The following ABI3BP variants were observed in gnomAD, a reference collection of about 807,000 sequenced individuals.
ABI3BP encodes ABI family member 3 binding protein.
In ABI3BP, 216 loss-of-function variants were observed where a neutral mutation model predicts 268.6. That is an observed-to-expected ratio of 0.80 (90% CI 0.72 to 0.90). The LOEUF (loss-of-function observed/expected upper bound fraction) is 0.90, where lower values mean the gene tolerates loss of function less well. Ranked by LOEUF, ABI3BP falls within the 40% of genes least tolerant of loss-of-function variation. The pLI, the probability that ABI3BP is intolerant of heterozygous loss-of-function variation, is 0.00. For missense variants in ABI3BP, 2,090 were observed against 2,182.4 expected, an observed-to-expected ratio of 0.96 and a Z score of 0.84; for synonymous variants, 730 against 730.0, an observed-to-expected ratio of 1.00 and a Z score of 0.00.
At chr3:100,755,225 A>T (rs1365898983) in intron 63 of ABI3BP, among the ~76,000 whole-genome samples, 1 of 152,168 alleles carries the variant, frequency 6.6e-6, no homozygotes, top group Non-Finnish European at 1.5e-5. Context: ...TATTGAAGCA[A>T]TTTTTGAGGA....
At chr3:100,885,422 ACT>A in intron 6 of ABI3BP, 112 bp downstream of exon 6, 1 of 521,114 alleles carries the variant, frequency 1.9e-6, no homozygotes, top group South Asian at 5.7e-5. Flanking sequence ...TACTTTCTCC[ACT>A]GTTTCATAGC....
chr3:100,886,268 T>A lies in ABI3BP; in HGVS notation c.517A>T (p.Ile173Phe). The stretch of plus-strand genomic sequence containing the variant: ...ACAATTGTTTCAGTGGCTGGACAGA[T>A]TTGAAAAATCCACTTCTTTTCTTTA... ...KDKEKKWIFQ[I>F]CPATETIVEN... The change falls in exon 5 of 68, where the codon ATC becomes TTC. Residue 173 changes from isoleucine (I) to phenylalanine (F), a missense_variant. Physicochemically the swap from Ile to Phe is conservative, Grantham distance 21. Coordinates refer to ENST00000471714, the MANE Select transcript of ABI3BP (RefSeq NM_001375547.2). The A allele has an allele frequency of 6.2e-7, 1 of 1,609,680 alleles. No homozygotes were observed. Among genetic ancestry groups the A allele is most frequent in the Non-Finnish European group, 8.5e-7 (1 of 1,177,634 alleles).
chr3:100,849,993 A>T, intron 17 of ABI3BP, 52 bp downstream of exon 17: 1 of 1,481,498 alleles, frequency 6.7e-7, no homozygotes. Context: ...ATGACTTCTC[A>T]CATTACCTGT....
At chr3:100,972,323 T>G (rs2084000385) in intron 1 of ABI3BP, among the ~76,000 whole-genome samples, 1 of 152,162 alleles carries the variant, frequency 6.6e-6, no homozygotes, top group Admixed American at 6.5e-5. Flanking sequence ...CAAATATTTA[T>G]AAAGTACTTT....
chr3:100,952,267 C>T (rs917410136), intron 1 of ABI3BP, among the ~76,000 whole-genome samples: 1 of 152,066 alleles, frequency 6.6e-6, no homozygotes, highest in Non-Finnish European at 1.5e-5. Context: ...TTCAAGTATA[C>T]TTGAAAATTG....
In ABI3BP at chr3:100,773,065, G is replaced by T. The variant is rs866491199; in HGVS notation, c.4531+1540C>A. 4.3e-5 allele frequency among the ~76,000 whole-genome samples: 6 copies of T among 139,100 alleles called. No homozygotes were observed. The South Asian group carries it at 1.4e-3, about 31-fold the overall frequency. 91.3% of individuals were successfully genotyped at this position (139,100 alleles called of 152,430 possible). A position where few individuals can be genotyped will look rare whatever the true frequency, so the allele number is the denominator to read the frequency against. On this transcript the variant is annotated intron_variant, in intron 61 of 67. Transcript: ENST00000471714. Reference sequence around the variant, plus strand: ...TGCACTTCAGCCTGGGCAACAGAGCGAGAGTCCATCTCAAAAAAAAAAAAA... The same window carrying T: ...TGCACTTCAGCCTGGGCAACAGAGCTAGAGTCCATCTCAAAAAAAAAAAAA...
At chr3:100,919,334 T>G (rs1158229172) in intron 2 of ABI3BP, among the ~76,000 whole-genome samples, 1 of 152,200 alleles carries the variant, frequency 6.6e-6, no homozygotes, top group African/African-American at 2.4e-5. Flanking sequence ...CATCCCACTT[T>G]CATAAAAATA....
intron 51 of ABI3BP, among the ~76,000 whole-genome samples, chr3:100,802,595 C>G (rs1368275048): frequency 6.6e-6 from 1 of 152,090 alleles, no homozygotes; most frequent in East Asian, 1.9e-4. Flanking sequence ...AAAGGCCTCA[C>G]CGGATGAAGC....
intron 2 of ABI3BP, among the ~76,000 whole-genome samples, chr3:100,922,666 C>G (rs981609555): frequency 2.6e-5 from 4 of 152,030 alleles, no homozygotes; most frequent in African/African-American, 9.7e-5. Flanking sequence ...GCAGTAGCCT[C>G]TAAAAGCTGG....
At chr3:100,881,777 T>C (rs964016670) in intron 6 of ABI3BP, among the ~76,000 whole-genome samples, 2 of 152,198 alleles carry the variant, frequency 1.3e-5, no homozygotes. Context: ...CAGTTTTGTT[T>C]CTGCATATGC....
chr3:100,951,338 C>G (rs1031338835), intron 1 of ABI3BP, among the ~76,000 whole-genome samples: 3 of 151,952 alleles, frequency 2.0e-5, no homozygotes, highest in Non-Finnish European at 4.4e-5. Flanking sequence ...AAATTTCCAT[C>G]TCTCTCCCTT....
At position 100,770,791 on chromosome 3, in the gene ABI3BP, AG is replaced by A; in HGVS notation, c.4692del (p.Ser1565HisfsTer11). On this transcript the variant is annotated frameshift_variant, in exon 62 of 68. Transcript: ENST00000471714. LOFTEE classifies it high-confidence loss of function. ...TTTTCCCAGTCCAAGATGACAAATG[AG>A]GGGCACCCTTCCACGGTGACCACAG... ...NLTVVTVEGCPSFVILDWEKP... is the reference protein window; with the variant it reads ...NLTVVTVEGCXSFVILDWEKP... 6.4e-7 allele frequency: 1 copy of A among 1,565,106 alleles called. No individual in the cohort carries two copies. The highest frequency in any genetic ancestry group is 8.7e-7 in the Non-Finnish European group (1 of 1,155,496).
At chr3:100,949,981 T>C (rs973080172) in intron 1 of ABI3BP, among the ~76,000 whole-genome samples, 16 of 152,210 alleles carry the variant, frequency 1.1e-4, no homozygotes, top group African/African-American at 3.9e-4. Context: ...GTATTAATCA[T>C]AGAACTCTCT....
At chr3:100,905,932 AT>A (rs547487723) in intron 2 of ABI3BP, among the ~76,000 whole-genome samples, 1 of 151,984 alleles carries the variant, frequency 6.6e-6, no homozygotes, top group East Asian at 1.9e-4. Flanking sequence ...CTTCAACAAC[AT>A]TTTTTTTCCA....
At position 100,794,933 on chromosome 3, in the gene ABI3BP, C is replaced by A; in HGVS notation, c.3936G>T (p.Gln1312His). Reference sequence around the variant, plus strand: ...TAAAACGAAATTTACCCAGAGTGGTCTGTAGTTCCTCTTGACTAGGACTTG... The same window carrying A: ...TAAAACGAAATTTACCCAGAGTGGTATGTAGTTCCTCTTGACTAGGACTTG... ...ISPSPSQEEL[Q>H]TTLEETDQST... Residue 1312 changes from glutamine (Q) to histidine (H), a missense_variant, in exon 54 of 68, where the codon CAG becomes CAT. Physicochemically the swap from Gln to His is conservative, Grantham distance 24 (BLOSUM62 0). Transcript: ENST00000471714. 2 of 1,567,602 alleles carry A rather than the reference C, an allele frequency of 1.3e-6. No homozygotes were observed. The highest frequency in any genetic ancestry group is 1.7e-6 in the Non-Finnish European group (2 of 1,155,256).
At chr3:100,789,717 G>A (rs1398414239) in intron 55 of ABI3BP, among the ~76,000 whole-genome samples, 1 of 151,966 alleles carries the variant, frequency 6.6e-6, no homozygotes, top group African/African-American at 2.4e-5. Context: ...AATTAAAGAT[G>A]CACATAGAAT....
At chr3:100,753,769 A>C in intron 65 of ABI3BP, 50 bp downstream of exon 65, 1 of 1,594,608 alleles carries the variant, frequency 6.3e-7, no homozygotes, top group South Asian at 1.1e-5. Flanking sequence ...TGTTCAGTTG[A>C]ATAAATTTAG....
chr3:100,954,058 T>C (rs1347583591), intron 1 of ABI3BP, among the ~76,000 whole-genome samples: 2 of 152,164 alleles, frequency 1.3e-5, no homozygotes, highest in East Asian at 3.9e-4. Context: ...AAGGTCCAGA[T>C]ACAGTGACCT....
Position 100,750,059 on chromosome 3 carries a change from A to T in ABI3BP, c.*436T>A. ...AGATATACATGCTGAAGATAATTTG[A>T]TCCAATAAGTTAAACTAAGTAGAGA... On this transcript the variant is annotated 3_prime_UTR_variant, in exon 68 of 68. Coordinates refer to ENST00000471714, the MANE Select transcript of ABI3BP (RefSeq NM_001375547.2). 7.6e-6 allele frequency: 2 copies of T among 263,974 alleles called. No homozygotes were observed. Among genetic ancestry groups the T allele is most frequent in the Non-Finnish European group, 7.0e-6 (1 of 142,336 alleles). 16.4% of individuals were successfully genotyped at this position (263,974 alleles called of 1,614,324 possible).
Sources: allele counts gnomAD v4.1 joint callset (sites outside exome capture counted in the v4.1 genomes callset), GRCh38; gene constraint gnomAD v4.1.1; transcripts MANE v1.5; gene names NCBI Gene and HGNC (gene_info 2026-07-23, HGNC 2026-07-21).